MUC13: variants seen among roughly 807,000 people sequenced by gnomAD.
The protein encoded by MUC13 is mucin-13.
Under a neutral mutation model 48.3 loss-of-function variants are expected in MUC13, and 32 were observed. The ratio of observed to expected loss-of-function variants is 0.66; its 90% CI spans 0.50 to 0.89. MUC13 has a LOEUF of 0.89. MUC13 is among the 40% of genes least tolerant of loss of function. The pLI is 0.00. For synonymous variants in MUC13, 199 were observed against 224.9 expected, an observed-to-expected ratio of 0.88 and a Z score of 1.03; for missense variants, 571 against 622.8, an observed-to-expected ratio of 0.92 and a Z score of 0.88.
intron 6 of MUC13, among the ~76,000 whole-genome samples, chr3:124,915,373 A>C (rs1474349067): frequency 6.6e-6 from 1 of 152,182 alleles, no homozygotes; most frequent in Non-Finnish European, 1.5e-5. Flanking sequence ...AGACTTGAGA[A>C]ATATTTGTGC....
chr3:124,909,798 A>G (rs1395078489), intron 10 of MUC13, among the ~76,000 whole-genome samples: 1 of 152,160 alleles, frequency 6.6e-6, no homozygotes, highest in East Asian at 1.9e-4. Flanking sequence ...GTATTTGACA[A>G]CTTCAGTGGA....
At chr3:124,933,038 C>T (rs78536881) in intron 1 of MUC13, among the ~76,000 whole-genome samples, 6,522 of 152,216 alleles carry the variant, frequency 0.043, 188 homozygotes, top group Non-Finnish European at 0.06. Context: ...ACCAATTCTT[C>T]CTTTGTCCTG....
At chr3:124,920,497 G>C (rs3796205) in intron 4 of MUC13, among the ~76,000 whole-genome samples, 55,592 of 151,904 alleles carry the variant, frequency 0.37, 10,421 homozygotes, top group East Asian at 0.65. Context: ...AAAGTAAGTT[G>C]TCTCTATTTT....
At position 124,908,201 on chromosome 3, in the gene MUC13, G is replaced by T. The variant is rs1339192419; in HGVS notation, c.1485C>A (p.Ser495Arg). 3 of 1,614,134 alleles carry T rather than the reference G, an allele frequency of 1.9e-6. No homozygotes were observed. In the East Asian group the frequency reaches 6.7e-5, roughly 36 times the overall value. The stretch of plus-strand genomic sequence containing the variant: ...GTCTTGAATAGGGATTTTGCATCTG[G>T]CTGTCTCTGGAGGCCGTTATCCTGA... Reference protein sequence around the residue: ...PKVRITASRDSQMQNPYSRHS... With the variant: ...PKVRITASRDRQMQNPYSRHS... Residue 495 changes from serine to arginine, a missense_variant, in exon 11 of 12, where the codon AGC becomes AGA. Transcript: ENST00000616727.
chr3:124,925,235 T>G (rs1176137187), intron 2 of MUC13, among the ~76,000 whole-genome samples: 1 of 152,206 alleles, frequency 6.6e-6, no homozygotes, highest in Admixed American at 6.5e-5. Flanking sequence ...CTACATAATG[T>G]ATGATTCCAA....
chr3:124,915,658 C>G (rs1935500257), intron 6 of MUC13, among the ~76,000 whole-genome samples: 1 of 152,178 alleles, frequency 6.6e-6, no homozygotes, highest in African/African-American at 2.4e-5. Flanking sequence ...ATTGCTACAG[C>G]TACATGGTGG....
In MUC13 at chr3:124,927,800, A is replaced by T. The variant is rs771926543; in HGVS notation, c.246T>A (p.Ile82=). ...TAATTATGGGGGGAGCAGGTGTAGG[A>T]ATTGTGGAGGAACTATGTGTACTAA... ...PIISTHSSST[I]PTPAPPIIST... Residue 82 remains isoleucine (I), a synonymous_variant, in exon 2 of 12, where the codon ATT becomes ATA. Coordinates refer to ENST00000616727, the MANE Select transcript of MUC13 (RefSeq NM_033049.4). 50 of 1,613,926 alleles carry T rather than the reference A, an allele frequency of 3.1e-5. No individual in the cohort carries two copies. In the Admixed American group the frequency reaches 8.3e-4, roughly 27 times the overall value.
chr3:124,912,885 G>A (rs2073424579), intron 8 of MUC13, among the ~76,000 whole-genome samples: 2 of 144,852 alleles, frequency 1.4e-5, no homozygotes, highest in African/African-American at 2.6e-5. Context: ...GCAGTGAGCC[G>A]AGATTGCACC....
At chr3:124,916,544 C>A (rs1246482171) in intron 5 of MUC13, 64 bp from the exon 6 acceptor site, 3 of 1,499,128 alleles carry the variant, frequency 2.0e-6, no homozygotes, top group South Asian at 1.2e-5. Context: ...TAATTCTAAT[C>A]TCCCAGACTC....
At chr3:124,929,328 AC>A (rs1935752762) in intron 1 of MUC13, among the ~76,000 whole-genome samples, 1 of 152,126 alleles carries the variant, frequency 6.6e-6, no homozygotes, top group Non-Finnish European at 1.5e-5. Flanking sequence ...GGTGTAAGCC[AC>A]CTTGCCTGGC....
intron 1 of MUC13, among the ~76,000 whole-genome samples, chr3:124,931,865 A>C (rs1464884421): frequency 3.9e-5 from 6 of 152,112 alleles, no homozygotes; most frequent in African/African-American, 1.4e-4. Flanking sequence ...CAATGTAGTG[A>C]AACCCCGTCT....
chr3:124,908,034 A>C, intron 11 of MUC13, 113 bp downstream of exon 11: 1 of 1,012,946 alleles, frequency 9.9e-7, no homozygotes, highest in Non-Finnish European at 1.4e-6. Flanking sequence ...CAATTAAGAA[A>C]AAGAAAAAGA....
chr3:124,930,589 C>T (rs1308486727), intron 1 of MUC13, among the ~76,000 whole-genome samples: 2 of 152,042 alleles, frequency 1.3e-5, no homozygotes, highest in Non-Finnish European at 2.9e-5. Flanking sequence ...TTCCTTAGGT[C>T]CTAAAGCTTC....
chr3:124,928,114 C>A, intron 1 of MUC13, 121 bp from the exon 2 acceptor site: 1 of 794,852 alleles, frequency 1.3e-6, no homozygotes, highest in Non-Finnish European at 1.9e-6. Context: ...TAGGGTTTCC[C>A]CAAGTTGCCT....
chr3:124,913,736 A>C lies in MUC13; in HGVS notation c.965-55T>G, dbSNP rs376299376. ...TTCAGCATGACAATATGGATAAGGTAATTTGTGAAAATTACCCCACCCCAT... is the reference window on the plus strand; with the variant it reads ...TTCAGCATGACAATATGGATAAGGTCATTTGTGAAAATTACCCCACCCCAT... On this transcript the variant is annotated intron_variant, in intron 6 of 11. Coordinates refer to ENST00000616727, the MANE Select transcript of MUC13 (RefSeq NM_033049.4). 1.4e-5 allele frequency: 22 copies of C among 1,601,150 alleles called. No homozygotes were observed. The East Asian group carries it at 4.3e-4, about 31-fold the overall frequency.
In MUC13 at chr3:124,910,428, T is replaced by G; in HGVS notation, c.1324A>C (p.Ile442Leu). ...TTCATCCCATACCTTGCTGTGACAA[T>G]CAATGCAATTATCATGCTGAGAATG... ...IVILSMIIAL[I>L]VTARSNNKTK... Residue 442 changes from isoleucine to leucine, a missense_variant, in exon 10 of 12, where the codon ATT (isoleucine) becomes CTT (leucine). By Grantham distance (5) the Ile-to-Leu change is conservative. Transcript: ENST00000616727. The G allele has an allele frequency of 6.2e-7, 1 of 1,613,780 alleles. No homozygotes were observed. Among genetic ancestry groups the G allele is most frequent in the Non-Finnish European group, 8.5e-7 (1 of 1,179,878 alleles).
intron 8 of MUC13, 50 bp downstream of exon 8, chr3:124,913,060 CT>C: frequency 6.3e-7 from 1 of 1,589,480 alleles, no homozygotes; most frequent in Middle Eastern, 1.7e-4. Flanking sequence ...GGTCTCTCTA[CT>C]TTGCCTAGCT....
chr3:124,929,031 T>C (rs1935746125), intron 1 of MUC13, among the ~76,000 whole-genome samples: 1 of 152,200 alleles, frequency 6.6e-6, no homozygotes, highest in South Asian at 2.1e-4. Context: ...ATACATTGAC[T>C]AAGAGTAAGA....
chr3:124,909,788 G>T (rs972386961), intron 10 of MUC13, among the ~76,000 whole-genome samples: 42 of 152,094 alleles, frequency 2.8e-4, no homozygotes, highest in African/African-American at 9.7e-4. Context: ...GATGAAAATT[G>T]TATTTGACAA....
Sources: gnomAD v4.1 joint callset for allele counts (sites outside exome capture counted in the v4.1 genomes callset) on GRCh38, gnomAD v4.1.1 for gene constraint, MANE v1.5 for transcripts, NCBI Gene and HGNC (gene_info 2026-07-23, HGNC 2026-07-21) for gene names.